Variants in WLS observed in about 807,000 individuals in gnomAD.
The protein encoded by WLS is protein wntless homolog.
In WLS, 23 loss-of-function variants were observed where a neutral mutation model predicts 62.8. That is an observed-to-expected ratio of 0.37 (90% confidence interval 0.26 to 0.52). The LOEUF (loss-of-function observed/expected upper bound fraction) is 0.52, where lower values mean the gene tolerates loss of function less well. Ranked by LOEUF, WLS falls within the 20% of genes least tolerant of loss-of-function variation. The pLI is 0.92. For missense variants in WLS, 615 were observed against 697.3 expected (o/e 0.88, Z 1.33); for synonymous variants, 246 against 244.1 (o/e 1.01, Z -0.07).
chr1:68,124,306 A>G (rs1646398385), downstream of WLS, among the ~76,000 whole-genome samples: 1 of 152,134 alleles, frequency 6.6e-6, no homozygotes, highest in Non-Finnish European at 1.5e-5. Context: ...AACTCTTACC[A>G]CAGCATTAAA....
intron 1 of WLS, among the ~76,000 whole-genome samples, chr1:68,224,045 C>G (rs1650041934): frequency 6.6e-6 from 1 of 152,200 alleles, no homozygotes; most frequent in Non-Finnish European, 1.5e-5. Flanking sequence ...TTGGCCTTTT[C>G]TTTCAATTAC....
chr1:68,167,798 G>A (rs1424496143), intron 2 of WLS, among the ~76,000 whole-genome samples: 1 of 152,098 alleles, frequency 6.6e-6, no homozygotes, highest in Non-Finnish European at 1.5e-5. Flanking sequence ...TTCATTCAGA[G>A]GAGGAAGGGA....
chr1:68,146,060 G>C, intron 8 of WLS, 48 bp from the exon 9 acceptor site: 3 of 1,603,852 alleles, frequency 1.9e-6, no homozygotes, highest in Non-Finnish European at 2.6e-6. Flanking sequence ...AGGCCAAGTT[G>C]AGCCGGGTCC....
At chr1:68,194,781 G>A (rs1050308665) in intron 1 of WLS, among the ~76,000 whole-genome samples, 2 of 152,122 alleles carry the variant, frequency 1.3e-5, no homozygotes, top group Admixed American at 6.5e-5. Context: ...AAAGAACTAG[G>A]GGACACCAGT....
At chr1:68,209,721 C>A (rs1475891782) in intron 1 of WLS, among the ~76,000 whole-genome samples, 1 of 151,746 alleles carries the variant, frequency 6.6e-6, no homozygotes, top group Non-Finnish European at 1.5e-5. Context: ...GCGGAGGTTG[C>A]GGTGAGCCAA....
At chr1:68,228,397 A>G in intron 1 of WLS, 1 of 282,488 alleles carries the variant, frequency 3.5e-6, no homozygotes, top group South Asian at 3.3e-5. Context: ...AGCAAATTGC[A>G]CATAATGGGA....
intron 4 of WLS, 79 bp from the exon 5 acceptor site, chr1:68,153,732 G>A (rs1570902794): frequency 1.3e-6 from 2 of 1,582,718 alleles, no homozygotes; most frequent in East Asian, 4.5e-5. Flanking sequence ...TTTTGTGGGA[G>A]AGGTAAGTGG....
At chr1:68,219,385 A>G (rs565858847) in intron 1 of WLS, among the ~76,000 whole-genome samples, 1 of 152,356 alleles carries the variant, frequency 6.6e-6, no homozygotes, top group Admixed American at 6.5e-5. Flanking sequence ...TAATGGAAAA[A>G]CGTCCCTTTC....
chr1:68,212,588 C>T (rs898980086), intron 1 of WLS, among the ~76,000 whole-genome samples: 2 of 152,082 alleles, frequency 1.3e-5, no homozygotes, highest in Non-Finnish European at 2.9e-5. Flanking sequence ...AATACATTGC[C>T]TGGTACATAC....
chr1:68,168,859 C>A (rs1647102544), intron 2 of WLS, among the ~76,000 whole-genome samples: 1 of 152,134 alleles, frequency 6.6e-6, no homozygotes, highest in Admixed American at 6.5e-5. Context: ...TTGAATTTTT[C>A]TTGACGCTTT....
chr1:68,110,651 A>ATCTCCCTCTCTCTCTCTC (rs1553123051), intron 11 of WLS, among the ~76,000 whole-genome samples: 1 of 126,152 alleles, frequency 7.9e-6, no homozygotes, highest in African/African-American at 3.1e-5. Flanking sequence ...GCCCCCAAAA[A>ATCTCCCTCTCTCTCTCTC]TCTCTGTCTC....
chr1:68,105,556 T>C (rs994744352), intron 11 of WLS, among the ~76,000 whole-genome samples: 4 of 152,174 alleles, frequency 2.6e-5, no homozygotes, highest in Non-Finnish European at 5.9e-5. Flanking sequence ...CAGAAATCAC[T>C]GTTACAAGGT....
intron 11 of WLS, among the ~76,000 whole-genome samples, chr1:68,132,873 CA>C (rs1403912505): frequency 6.6e-6 from 1 of 152,176 alleles, no homozygotes; most frequent in Non-Finnish European, 1.5e-5. Flanking sequence ...TGGGTTTGCA[CA>C]GTTTTTCATG....
intron 1 of WLS, among the ~76,000 whole-genome samples, chr1:68,199,620 C>A (rs1032832921): frequency 6.6e-6 from 1 of 152,104 alleles, no homozygotes; most frequent in South Asian, 2.1e-4. Flanking sequence ...ATCTCTGTGT[C>A]CACCCTTGCC....
intron 11 of WLS, among the ~76,000 whole-genome samples, chr1:68,135,219 C>A (rs1181729670): frequency 6.6e-6 from 1 of 151,776 alleles, no homozygotes. Context: ...TGGCTTACTG[C>A]AGCCTCAAAC....
At chr1:68,183,709 T>C (rs1647731033) in intron 2 of WLS, 1 of 240,650 alleles carries the variant, frequency 4.2e-6, no homozygotes, top group South Asian at 4.4e-5. Context: ...TGATGTCCAC[T>C]TAACATTCCA....
chr1:68,137,940 A>C lies in WLS; in HGVS notation c.1363-7T>G. 1 of 1,613,684 alleles carries C rather than the reference A, an allele frequency of 6.2e-7. No individual in the cohort carries two copies. ...TCCAATGGCCTTCCGTTACCTGCGG[A>C]GAAAGGATGGTGATATTCAATTGAA... On this transcript the variant is annotated splice_region_variant and splice_polypyrimidine_tract_variant and intron_variant, in intron 10 of 11. Coordinates refer to ENST00000262348, the MANE Select transcript of WLS (RefSeq NM_024911.7).
intron 1 of WLS, among the ~76,000 whole-genome samples, chr1:68,196,636 G>T (rs2100612093): frequency 6.6e-6 from 1 of 152,122 alleles, no homozygotes; most frequent in Non-Finnish European, 1.5e-5. Flanking sequence ...AAAATGTTAT[G>T]TTTGTAAGAA....
intron 2 of WLS, among the ~76,000 whole-genome samples, chr1:68,171,436 C>A (rs143604361): frequency 0.01 from 1,535 of 152,138 alleles, 17 homozygotes; most frequent in African/African-American, 0.035. Flanking sequence ...GGGCTAATAT[C>A]CAGAATCTAC....
Sources: gnomAD v4.1 joint callset for allele counts (sites outside exome capture counted in the v4.1 genomes callset) on GRCh38, gnomAD v4.1.1 for gene constraint, MANE v1.5 for transcripts, NCBI Gene and HGNC (gene_info 2026-07-23, HGNC 2026-07-21) for gene names.